Variants in PDE4D observed in about 807,000 individuals in gnomAD.
The protein encoded by PDE4D is 3',5'-cyclic-AMP phosphodiesterase 4D.
PDE4D carries 24 observed loss-of-function variants against 87.4 expected under a neutral mutation model. That is an observed-to-expected ratio of 0.27 (90% confidence interval 0.20 to 0.39). The LOEUF (loss-of-function observed/expected upper bound fraction) is 0.39. PDE4D is among the 10% of genes least tolerant of loss of function. The pLI is 1.00. For missense variants in PDE4D, 714 were observed against 1,041.0 expected, an observed-to-expected ratio of 0.69 and a Z score of 4.32; for synonymous variants, 384 against 383.2, an observed-to-expected ratio of 1.00 and a Z score of -0.02.
chr5:60,072,964 AG>A (rs1269998375), intron 2 of PDE4D, among the ~76,000 whole-genome samples: 1 of 151,850 alleles, frequency 6.6e-6, no homozygotes, highest in African/African-American at 2.4e-5. Flanking sequence ...CTCCTTGCTT[AG>A]TATTGCCTTG....
Position 60,067,213 on chromosome 5 carries a change from G to A in PDE4D, c.43-78496C>T, listed in dbSNP as rs147820997. ...CTTTCATTGTTAATCCCAGTAATTT[G>A]TCCTCTCCCCTAAAGTTTGGCATGT... is the stretch of plus-strand genomic sequence containing the variant. On this transcript the variant is annotated intron_variant, in intron 2 of 16. Transcript: ENST00000502484. Among the ~76,000 whole-genome samples, 507 of 152,016 alleles carry A rather than the reference G, an allele frequency of 3.3e-3. 7 individuals carry two copies. Among genetic ancestry groups the A allele is most frequent in the African/African-American group, 0.011 (440 of 41,488 alleles).
intron 3 of PDE4D, among the ~76,000 whole-genome samples, chr5:59,983,140 C>T (rs1582034022): frequency 6.6e-6 from 1 of 152,086 alleles, no homozygotes; most frequent in African/African-American, 2.4e-5. Context: ...CTACTCACTA[C>T]CCGGCCATCA....
At chr5:59,035,774 G>A (rs566761940) in intron 6 of PDE4D, among the ~76,000 whole-genome samples, 1 of 152,134 alleles carries the variant, frequency 6.6e-6, no homozygotes, top group Non-Finnish European at 1.5e-5. Flanking sequence ...CCAAAGCTTT[G>A]AGACCTCACT....
intron 5 of PDE4D, among the ~76,000 whole-genome samples, chr5:59,138,089 C>T (rs917912335): frequency 6.6e-6 from 1 of 152,180 alleles, no homozygotes; most frequent in African/African-American, 2.4e-5. Context: ...AAGAGAAAAG[C>T]TAAACACTGG....
intron 2 of PDE4D, among the ~76,000 whole-genome samples, chr5:60,153,427 G>A (rs1007046756): frequency 6.6e-6 from 1 of 152,166 alleles, no homozygotes; most frequent in Admixed American, 6.5e-5. Context: ...TGGTGGAAAT[G>A]TAAATTAGGA....
At chr5:60,052,106 G>A (rs1372581333) in intron 2 of PDE4D, among the ~76,000 whole-genome samples, 1 of 152,138 alleles carries the variant, frequency 6.6e-6, no homozygotes, top group Non-Finnish European at 1.5e-5. Flanking sequence ...AATTCTACCA[G>A]AGGTACAAAG....
chr5:59,508,525 T>C (rs1200040148), intron 1 of PDE4D, among the ~76,000 whole-genome samples: 2 of 150,448 alleles, frequency 1.3e-5, no homozygotes, highest in Non-Finnish European at 3.0e-5. Context: ...TACTAAAGAG[T>C]ATGAGCTCAC....
chr5:60,381,474 T>C (rs1376734809), intron 1 of PDE4D, among the ~76,000 whole-genome samples: 2 of 152,212 alleles, frequency 1.3e-5, no homozygotes, highest in African/African-American at 4.8e-5. Context: ...TAACAACTTT[T>C]CTGAGTCCCA....
chr5:60,158,629 C>T lies in PDE4D; in HGVS notation c.42+26928G>A, dbSNP rs575956280. On this transcript the variant is annotated intron_variant, in intron 2 of 16. Transcript: ENST00000502484. ...CCAGGCTGGAGTGCAGTGGCGCAATCTCGGCTCACTGCAAGCTCCGCCTCC... is the reference window on the plus strand; with the variant it reads ...CCAGGCTGGAGTGCAGTGGCGCAATTTCGGCTCACTGCAAGCTCCGCCTCC... Among the ~76,000 whole-genome samples, 402 of 152,348 alleles carry T rather than the reference C, an allele frequency of 2.6e-3. 3 individuals carry two copies. The highest frequency in any genetic ancestry group is 9.3e-3 in the African/African-American group (387 of 41,584).
At chr5:59,608,475 C>T (rs1328336181) in intron 1 of PDE4D, among the ~76,000 whole-genome samples, 1 of 152,140 alleles carries the variant, frequency 6.6e-6, no homozygotes, top group Non-Finnish European at 1.5e-5. Flanking sequence ...TGGATGAGTG[C>T]ATGTATTTCC....
chr5:59,014,964 T>C (rs901984898), intron 6 of PDE4D, among the ~76,000 whole-genome samples: 1 of 151,984 alleles, frequency 6.6e-6, no homozygotes, highest in African/African-American at 2.4e-5. Context: ...TCAGAAATAA[T>C]ACCACATGTC....
At chr5:59,662,154 C>A (rs1490104184) in intron 1 of PDE4D, among the ~76,000 whole-genome samples, 1 of 152,182 alleles carries the variant, frequency 6.6e-6, no homozygotes, top group Non-Finnish European at 1.5e-5. Flanking sequence ...ACCAGCTGTA[C>A]TCTGGGCAAG....
At chr5:60,054,070 C>T (rs979170954) in intron 2 of PDE4D, among the ~76,000 whole-genome samples, 1 of 152,166 alleles carries the variant, frequency 6.6e-6, no homozygotes, top group African/African-American at 2.4e-5. Context: ...AAAAGGAATG[C>T]TTTTACACTG....
intron 2 of PDE4D, among the ~76,000 whole-genome samples, chr5:60,168,669 C>T (rs76276431): frequency 0.086 from 13,135 of 152,196 alleles, 632 homozygotes; most frequent in South Asian, 0.16. Context: ...GTACTTTAAA[C>T]CACCTCAAGA....
At chr5:60,098,540 T>C (rs959600837) in intron 2 of PDE4D, among the ~76,000 whole-genome samples, 2 of 152,032 alleles carry the variant, frequency 1.3e-5, no homozygotes, top group East Asian at 1.9e-4. Context: ...TTTCATGCTA[T>C]TGTAAACGGA....
chr5:59,567,087 T>C (rs1821065250), intron 1 of PDE4D, among the ~76,000 whole-genome samples: 1 of 152,216 alleles, frequency 6.6e-6, no homozygotes, highest in Non-Finnish European at 1.5e-5. Flanking sequence ...TATGAACTAT[T>C]TTATGCAAGA....
At chr5:59,111,960 G>C (rs1342110586) in intron 5 of PDE4D, among the ~76,000 whole-genome samples, 1 of 152,202 alleles carries the variant, frequency 6.6e-6, no homozygotes, top group African/African-American at 2.4e-5. Context: ...TAGTACAGGA[G>C]AGAGATAATA....
intron 6 of PDE4D, among the ~76,000 whole-genome samples, chr5:59,006,044 G>A (rs1751535446): frequency 1.3e-5 from 2 of 152,192 alleles, no homozygotes; most frequent in Non-Finnish European, 2.9e-5. Flanking sequence ...AGTGAGACAC[G>A]CTTATGTTTG....
At chr5:59,990,579 T>G (rs1020950758) in intron 2 of PDE4D, among the ~76,000 whole-genome samples, 2 of 152,290 alleles carry the variant, frequency 1.3e-5, no homozygotes, top group East Asian at 1.9e-4. Context: ...GAAAGTTCAT[T>G]TATTTCAAAT....
Sources: gnomAD v4.1 joint callset for allele counts (sites outside exome capture counted in the v4.1 genomes callset) on GRCh38, gnomAD v4.1.1 for gene constraint, MANE v1.5 for transcripts, NCBI Gene and HGNC (gene_info 2026-07-23, HGNC 2026-07-21) for gene names.